The following CA12 variants were observed in gnomAD, a reference collection of about 807,000 sequenced individuals.
CA12 encodes carbonate dehydratase XII.
In CA12, 36 loss-of-function variants were observed where a neutral mutation model predicts 46.8. The observed-to-expected ratio is 0.77, with a 90% CI of 0.59 to 1.02. The LOEUF (loss-of-function observed/expected upper bound fraction) is 1.02, where lower values mean the gene tolerates loss of function less well. Among genes scored for constraint, CA12 ranks in the 50% least tolerant of loss-of-function variants. The pLI is 0.00. For missense variants in CA12, 436 were observed against 451.4 expected, an observed-to-expected ratio of 0.97 and a Z score of 0.31; for synonymous variants, 202 against 187.0, an observed-to-expected ratio of 1.08 and a Z score of -0.65.
Position 63,381,829 on chromosome 15 carries a change from C to A in CA12, c.-109G>T. ...CGTGCGCGCAGCCTGGGTGCCGTGG[C>A]GAGTACGTCCGCCCTTCGCTCTCCT... On this transcript the variant is annotated 5_prime_UTR_variant, in exon 1 of 11. Coordinates refer to ENST00000178638, the MANE Select transcript of CA12 (RefSeq NM_001218.5). The A allele has an allele frequency of 1.6e-6, 1 of 633,318 alleles. No individual in the cohort carries two copies. The highest frequency in any genetic ancestry group is 2.5e-6 in the Non-Finnish European group (1 of 406,514). The allele number at this position is 633,318 out of a possible 1,614,324, so 39.2% of individuals were successfully genotyped here. A position where few individuals can be genotyped will look rare whatever the true frequency, so the allele number is the denominator to read the frequency against.
Position 63,340,494 on chromosome 15 carries a change from GC to G in CA12, c.590-50del, listed in dbSNP as rs770868552. 17 of 1,607,688 alleles carry G rather than the reference GC, an allele frequency of 1.1e-5. No individual in the cohort carries two copies. Among genetic ancestry groups the G allele is most frequent in the Non-Finnish European group, 1.4e-5 (17 of 1,174,244 alleles). On this transcript the variant is annotated intron_variant, in intron 6 of 10. Transcript: ENST00000178638. The surrounding 1 kb of genome is among the most constrained non-coding windows in gnomAD (Gnocchi z 4.4). ...GATAGTGTCAGCCTCCCTCCGTAGG[GC>G]ATAAGTGCAGCTGAACAGAGCGACT...
In CA12 at chr15:63,327,043, G is replaced by A; in HGVS notation, c.992+106C>T. Reference sequence around the variant, plus strand: ...GACGGCCCTCCTAGGGTAAGTGGTGGTCCAGGTGACTGCGGCTCTTCATGC... The same window carrying A: ...GACGGCCCTCCTAGGGTAAGTGGTGATCCAGGTGACTGCGGCTCTTCATGC... On this transcript the variant is annotated intron_variant, in intron 10 of 10. Coordinates refer to ENST00000178638, the MANE Select transcript of CA12 (RefSeq NM_001218.5). This position sits in a 1 kb window ranked among gnomAD's most constrained non-coding sequence, Gnocchi z 4.5. The A allele has an allele frequency of 1.0e-6, 1 of 996,064 alleles. No individual in the cohort carries two copies. Among genetic ancestry groups the A allele is most frequent in the Non-Finnish European group, 1.6e-6 (1 of 634,194 alleles). The allele number at this position is 996,064 out of a possible 1,614,324, so 61.7% of individuals were successfully genotyped here. A position where few individuals can be genotyped will look rare whatever the true frequency, so the allele number is the denominator to read the frequency against.
chr15:63,354,118 G>C (rs2039266433), intron 2 of CA12, among the ~76,000 whole-genome samples: 1 of 152,142 alleles, frequency 6.6e-6, no homozygotes, highest in Non-Finnish European at 1.5e-5. Flanking sequence ...AGGTGACCAA[G>C]GACATGGGTT....
intron 1 of CA12, among the ~76,000 whole-genome samples, chr15:63,376,339 CTCT>C (rs2039570137): frequency 6.6e-6 from 1 of 152,158 alleles, no homozygotes; most frequent in African/African-American, 2.4e-5. Flanking sequence ...ACAGTAGAAG[CTCT>C]TCTTCCCACT....
rs1247244756 is a variant in CA12 at position 63,341,347 on chromosome 15, C to T, written c.526-564G>A. On this transcript the variant is annotated intron_variant, in intron 5 of 10. Transcript: ENST00000178638. This position sits in a 1 kb window ranked among gnomAD's most constrained non-coding sequence, Gnocchi z 5.2. ...CGCACAGCAGGAGGTGAGCAGCGGG[C>T]AAGCAAGCATTACAGCCTGAGCTCC... Among the ~76,000 whole-genome samples the T allele has an allele frequency of 1.3e-5, 2 of 152,200 alleles. No individual in the cohort carries two copies. Among genetic ancestry groups the T allele is most frequent in the Non-Finnish European group, 2.9e-5 (2 of 68,028 alleles).
chr15:63,342,150 G>T, intron 4 of CA12, 53 bp from the exon 5 acceptor site: 1 of 1,202,772 alleles, frequency 8.3e-7, no homozygotes, highest in Non-Finnish European at 1.2e-6. Flanking sequence ...ATGGGAGCCT[G>T]TCGCTTCTGC....
At chr15:63,346,440 G>A (rs527670286) in intron 3 of CA12, 90 bp downstream of exon 3, 107 of 983,898 alleles carry the variant, frequency 1.1e-4, no homozygotes, top group Non-Finnish European at 1.6e-4. Context: ...TGCTTCCACG[G>A]AACACCTCCC....
chr15:63,376,639 TTCTTTCTC>T (rs950736579), intron 1 of CA12, among the ~76,000 whole-genome samples: 2 of 149,836 alleles, frequency 1.3e-5, no homozygotes, highest in African/African-American at 4.9e-5. Flanking sequence ...CTTTTTCTTT[TTCTTTCTC>T]TCTTTCTCTT....
chr15:63,371,551 C>T (rs2039507315), intron 2 of CA12, among the ~76,000 whole-genome samples: 1 of 152,218 alleles, frequency 6.6e-6, no homozygotes, highest in African/African-American at 2.4e-5. Flanking sequence ...GCTGGCCTCG[C>T]GGGTGCCCTG....
intron 2 of CA12, among the ~76,000 whole-genome samples, chr15:63,368,329 C>T (rs2039460498): frequency 6.6e-6 from 1 of 152,152 alleles, no homozygotes; most frequent in African/African-American, 2.4e-5. Context: ...ATGGTGCCTG[C>T]GCTCCACCGT....
Position 63,373,145 on chromosome 15 carries a change from A to C in CA12, c.106+2513T>G, listed in dbSNP as rs1403238029. Among the ~76,000 whole-genome samples, 1 of 152,198 alleles carries C rather than the reference A, an allele frequency of 6.6e-6. No individual in the cohort carries two copies. Among genetic ancestry groups the C allele is most frequent in the African/African-American group, 2.4e-5 (1 of 41,450 alleles). Reference sequence around the variant, plus strand: ...TTTGAGAGGCCGAGGTGGGCAGAACACTTGAGATCAGGAGTTCGAGACCAG... The same window carrying C: ...TTTGAGAGGCCGAGGTGGGCAGAACCCTTGAGATCAGGAGTTCGAGACCAG... On this transcript the variant is annotated intron_variant, in intron 2 of 10. Coordinates refer to ENST00000178638, the MANE Select transcript of CA12 (RefSeq NM_001218.5). The surrounding 1 kb of genome is among the most constrained non-coding windows in gnomAD (Gnocchi z 4.9).
At chr15:63,350,993 G>C (rs891889381) in intron 2 of CA12, among the ~76,000 whole-genome samples, 9 of 152,118 alleles carry the variant, frequency 5.9e-5, no homozygotes, top group African/African-American at 2.2e-4. Context: ...AGAGAGTTAA[G>C]AATTAATACC....
chr15:63,377,782 C>G (rs886667236), intron 1 of CA12, among the ~76,000 whole-genome samples: 1 of 152,058 alleles, frequency 6.6e-6, no homozygotes, highest in Non-Finnish European at 1.5e-5. Flanking sequence ...ATTGTTTTAC[C>G]TTGATTGTTT....
At chr15:63,332,553 G>T (rs1345256271) in intron 8 of CA12, among the ~76,000 whole-genome samples, 1 of 152,234 alleles carries the variant, frequency 6.6e-6, no homozygotes, top group Non-Finnish European at 1.5e-5. Flanking sequence ...GGGAAAGAAT[G>T]GGTGGTGGGA....
chr15:63,334,743 C>T (rs1160014234), intron 8 of CA12, among the ~76,000 whole-genome samples: 17 of 152,186 alleles, frequency 1.1e-4, no homozygotes, highest in Admixed American at 1.1e-3. Flanking sequence ...GAGGCATCTG[C>T]ACCCCTGATA....
intron 4 of CA12, among the ~76,000 whole-genome samples, chr15:63,343,665 G>C (rs1365692490): frequency 2.0e-5 from 3 of 152,140 alleles, no homozygotes; most frequent in Non-Finnish European, 2.9e-5. Context: ...GGGACACCCT[G>C]ATGCCTTTTC....
chr15:63,336,868 T>A (rs1243766997), intron 8 of CA12, among the ~76,000 whole-genome samples: 1 of 152,116 alleles, frequency 6.6e-6, no homozygotes, highest in Non-Finnish European at 1.5e-5. Flanking sequence ...GAGCCGGCAA[T>A]GGGGTCCTGG....
In CA12 at chr15:63,371,987, C is replaced by A. The variant is rs182692377; in HGVS notation, c.106+3671G>T. 1.9e-3 allele frequency among the ~76,000 whole-genome samples: 292 copies of A among 152,178 alleles called. 3 individuals are homozygous for A. Among genetic ancestry groups the A allele is most frequent in the Admixed American group, 7.8e-3 (119 of 15,268 alleles). ...CTTTTATTGAATATGAAATATATAC[C>A]GAAAAGTGTGTAGACCATAAGCAAA... On this transcript the variant is annotated intron_variant, in intron 2 of 10. Coordinates refer to ENST00000178638, the MANE Select transcript of CA12 (RefSeq NM_001218.5).
At position 63,321,952 on chromosome 15, in the gene CA12, G is replaced by C. The variant is rs955889067; in HGVS notation, c.*4333C>G. Reference sequence around the variant, plus strand: ...CTCCCTCCCTGGCTTCACCCACAAGGCTTTCTTCTCGGGCTGATTTCTGTG... The same window carrying C: ...CTCCCTCCCTGGCTTCACCCACAAGCCTTTCTTCTCGGGCTGATTTCTGTG... On this transcript the variant is annotated 3_prime_UTR_variant, in exon 11 of 11. Coordinates refer to ENST00000178638, the MANE Select transcript of CA12 (RefSeq NM_001218.5). The surrounding 1 kb of genome is among the most constrained non-coding windows in gnomAD (Gnocchi z 4.5). 2.0e-5 allele frequency: 3 copies of C among 152,288 alleles called. No individual in the cohort carries two copies. The highest frequency in any genetic ancestry group is 1.9e-4 in the East Asian group (1 of 5,200). The allele number at this position is 152,288 out of a possible 1,614,324, so 9.4% of individuals were successfully genotyped here.
Sources: gnomAD v4.1 joint callset for allele counts (sites outside exome capture counted in the v4.1 genomes callset) on GRCh38, gnomAD v4.1.1 for gene constraint, Gnocchi (gnomAD v3.1) non-coding constraint, MANE v1.5 for transcripts, NCBI Gene and HGNC (gene_info 2026-07-23, HGNC 2026-07-21) for gene names.